GFRA1: variants seen among roughly 807,000 people sequenced by gnomAD.
GFRA1 encodes the protein GDNF family receptor alpha 1.
Under a neutral mutation model 51.6 loss-of-function variants are expected in GFRA1, and 16 were observed. The observed-to-expected ratio is 0.31, with a 90% CI of 0.21 to 0.47. The LOEUF is 0.47. Ranked by LOEUF, GFRA1 falls within the 20% of genes least tolerant of loss-of-function variation. The probability of loss-of-function intolerance (pLI) is 1.00; values close to 1 mark genes in which losing one functional copy is unlikely to be tolerated. For missense variants in GFRA1, 530 were observed against 594.3 expected (o/e 0.89, Z 1.13); for synonymous variants, 270 against 241.3 (o/e 1.12, Z -1.10).
intron 5 of GFRA1, among the ~76,000 whole-genome samples, chr10:116,193,015 C>T (rs1254506220): frequency 1.3e-5 from 2 of 152,120 alleles, no homozygotes; most frequent in African/African-American, 2.4e-5. Context: ...CAGGCCCCTC[C>T]ACACACACAG....
At chr10:116,273,646 A>T (rs61864761), upstream of GFRA1, among the ~76,000 whole-genome samples, 1,737 of 14,318 alleles carry the variant, frequency 0.12, 12 homozygotes, top group Non-Finnish European at 0.27. Flanking sequence ...AGACACACAC[A>T]CTCTCTCTCT....
chr10:116,171,094 C>T (rs886694193), intron 5 of GFRA1, among the ~76,000 whole-genome samples: 25 of 152,200 alleles, frequency 1.6e-4, no homozygotes, highest in African/African-American at 5.5e-4. Flanking sequence ...CATAGACACA[C>T]AATGAATCAC....
At chr10:116,201,527 G>A (rs1406730111) in intron 5 of GFRA1, among the ~76,000 whole-genome samples, 1 of 151,954 alleles carries the variant, frequency 6.6e-6, no homozygotes, top group Non-Finnish European at 1.5e-5. Flanking sequence ...TCACTCCCCG[G>A]AGTTGCCCTT....
At chr10:116,105,234 C>T (rs1023856516) in intron 6 of GFRA1, among the ~76,000 whole-genome samples, 8 of 152,118 alleles carry the variant, frequency 5.3e-5, no homozygotes, top group African/African-American at 7.2e-5. Context: ...AAGAGTAAAC[C>T]TTATCCAATA....
intron 6 of GFRA1, among the ~76,000 whole-genome samples, chr10:116,114,709 C>T (rs1421690642): frequency 1.3e-5 from 2 of 152,170 alleles, no homozygotes; most frequent in Admixed American, 1.3e-4. Context: ...ACAAGTTCTA[C>T]TTCAAAGATC....
At chr10:116,151,057 C>A (rs1464570522) in intron 5 of GFRA1, among the ~76,000 whole-genome samples, 2 of 151,814 alleles carry the variant, frequency 1.3e-5, no homozygotes, top group African/African-American at 4.8e-5. Flanking sequence ...CCTGGGAGTC[C>A]TTCCCATGAG....
chr10:116,227,010 C>T (rs1477893533), intron 4 of GFRA1, among the ~76,000 whole-genome samples: 1 of 152,150 alleles, frequency 6.6e-6, no homozygotes, highest in Non-Finnish European at 1.5e-5. Context: ...CACTCACTTG[C>T]CTGCTACTCA....
intron 5 of GFRA1, among the ~76,000 whole-genome samples, chr10:116,141,756 G>T (rs564457951): frequency 1.3e-5 from 2 of 152,190 alleles, no homozygotes; most frequent in African/African-American, 2.4e-5. Context: ...GCTAGTTTTT[G>T]TATTTTTAGT....
intron 9 of GFRA1, among the ~76,000 whole-genome samples, chr10:116,068,547 A>G (rs1955225452): frequency 6.6e-6 from 1 of 152,166 alleles, no homozygotes; most frequent in South Asian, 2.1e-4. Flanking sequence ...AGAGGGTCAG[A>G]GCCTGGGATG....
chr10:116,223,656 C>A (rs973137921), intron 4 of GFRA1, among the ~76,000 whole-genome samples: 3 of 152,150 alleles, frequency 2.0e-5, no homozygotes, highest in Non-Finnish European at 2.9e-5. Flanking sequence ...GGAGGACCAC[C>A]AGCAAAAATG....
chr10:116,086,974 C>T (rs369106998), intron 9 of GFRA1, among the ~76,000 whole-genome samples: 4 of 152,264 alleles, frequency 2.6e-5, no homozygotes, highest in South Asian at 4.1e-4. Flanking sequence ...TGCACCACCA[C>T]GCCCAGCTAA....
At chr10:116,235,857 C>T (rs895705738) in intron 4 of GFRA1, among the ~76,000 whole-genome samples, 2 of 152,080 alleles carry the variant, frequency 1.3e-5, no homozygotes, top group South Asian at 2.1e-4. Flanking sequence ...AGATGGTGGC[C>T]GCCATCTTGT....
At chr10:116,258,368 AAAT>A (rs1362015793) in intron 4 of GFRA1, among the ~76,000 whole-genome samples, 3 of 27,528 alleles carry the variant, frequency 1.1e-4, no homozygotes, top group Admixed American at 1.3e-3. Context: ...TATAATAATA[AAAT>A]AATATCTAAT....
At chr10:116,137,702 G>C (rs1958389932) in intron 5 of GFRA1, among the ~76,000 whole-genome samples, 1 of 152,226 alleles carries the variant, frequency 6.6e-6, no homozygotes, top group Admixed American at 6.5e-5. Flanking sequence ...AGAGCCAGGA[G>C]CTGGGCAGAA....
chr10:116,205,626 T>TATATATATATATATATATATATATATATA (rs1964688443), intron 5 of GFRA1, among the ~76,000 whole-genome samples: 1 of 137,256 alleles, frequency 7.3e-6, no homozygotes, highest in African/African-American at 2.7e-5. Flanking sequence ...TATATATATA[T>TATATATATATATATATATATATATATATA]TCTTTAAAAG....
chr10:116,197,740 A>T (rs1320916932), intron 5 of GFRA1, among the ~76,000 whole-genome samples: 2 of 152,148 alleles, frequency 1.3e-5, no homozygotes, highest in African/African-American at 4.8e-5. Flanking sequence ...CATGGGGTAG[A>T]GTTTCGGGGC....
intron 5 of GFRA1, among the ~76,000 whole-genome samples, chr10:116,160,401 A>T (rs1360554712): frequency 6.6e-6 from 1 of 152,236 alleles, no homozygotes; most frequent in Non-Finnish European, 1.5e-5. Context: ...ATTTCGGTAT[A>T]TGTCTTGTTT....
At chr10:116,148,021 C>T (rs563213427) in intron 5 of GFRA1, among the ~76,000 whole-genome samples, 68 of 106,590 alleles carry the variant, frequency 6.4e-4, no homozygotes, top group Admixed American at 1.2e-3. Flanking sequence ...AACGTGTGTG[C>T]GCGCATGCAT....
intron 4 of GFRA1, among the ~76,000 whole-genome samples, chr10:116,267,940 AACACACACACACACAC>A (rs58079628): frequency 6.8e-6 from 1 of 146,392 alleles, no homozygotes; most frequent in East Asian, 2.0e-4. Flanking sequence ...CTGACAGACT[AACACACACACACACAC>A]ACACACACAC....
Sources: gnomAD v4.1 joint callset for allele counts (sites outside exome capture counted in the v4.1 genomes callset) on GRCh38, gnomAD v4.1.1 for gene constraint, MANE v1.5 for transcripts, NCBI Gene and HGNC (gene_info 2026-07-23, HGNC 2026-07-21) for gene names.